The following CFAP299 variants were observed in gnomAD, a reference collection of about 807,000 sequenced individuals.
CFAP299 encodes cilia- and flagella-associated protein 299.
CFAP299 carries 21 observed loss-of-function variants against 27.0 expected under a neutral mutation model. The ratio of observed to expected loss-of-function variants is 0.78; its 90% CI spans 0.55 to 1.12. The LOEUF is 1.12. Among genes scored for constraint, CFAP299 ranks in the 50% most tolerant of loss-of-function variants. The pLI, the probability that CFAP299 is intolerant of heterozygous loss-of-function variation, is 0.00. For missense variants in CFAP299, 310 were observed against 276.6 expected (o/e 1.12, Z -0.86); for synonymous variants, 104 against 98.1 (o/e 1.06, Z -0.36).
chr4:80,896,025 G>C (rs892788032), intron 4 of CFAP299, among the ~76,000 whole-genome samples: 1 of 151,882 alleles, frequency 6.6e-6, no homozygotes, highest in Non-Finnish European at 1.5e-5. Context: ...GTGAATTTTA[G>C]TTTATGAACA....
Position 80,780,870 on chromosome 4 carries a change from AT to A in CFAP299, c.334-89116del, listed in dbSNP as rs201473159. On this transcript the variant is annotated intron_variant, in intron 3 of 5. Coordinates refer to ENST00000358105, the MANE Select transcript of CFAP299 (RefSeq NM_152770.3). Reference sequence around the variant, plus strand: ...AATCCATAGAAGGATGGATAAGTTGATTTTTTTCTAAGTATTTTATGCCTAT... The same window carrying A: ...AATCCATAGAAGGATGGATAAGTTGATTTTTTCTAAGTATTTTATGCCTAT... 6.0e-3 allele frequency among the ~76,000 whole-genome samples: 905 copies of A among 151,954 alleles called. 7 individuals carry two copies. Among genetic ancestry groups the A allele is most frequent in the African/African-American group, 0.02 (832 of 41,506 alleles).
chr4:80,686,552 G>C (rs1278447995), intron 3 of CFAP299, among the ~76,000 whole-genome samples: 2 of 152,122 alleles, frequency 1.3e-5, no homozygotes, highest in African/African-American at 2.4e-5. Context: ...TAGAAATGCT[G>C]CCCGAGTTCT....
intron 1 of CFAP299, among the ~76,000 whole-genome samples, chr4:80,362,020 A>G (rs1277898716): frequency 6.6e-6 from 1 of 152,092 alleles, no homozygotes; most frequent in Non-Finnish European, 1.5e-5. Context: ...TTGTCAAATC[A>G]TGGGGAAACA....
Position 80,936,739 on chromosome 4 carries a change from G to A in CFAP299, c.477-8071G>A, listed in dbSNP as rs529276185. 4.6e-5 allele frequency among the ~76,000 whole-genome samples: 7 copies of A among 151,756 alleles called. 1 individual carries two copies. In the South Asian group the frequency reaches 1.2e-3, roughly 27 times the overall value. On this transcript the variant is annotated intron_variant, in intron 4 of 5. Coordinates refer to ENST00000358105, the MANE Select transcript of CFAP299 (RefSeq NM_152770.3). ...CATTTATACAACAAACACCCATAAC[G>A]TGAGTTTACTTATATAACAAATCTG...
intron 2 of CFAP299, among the ~76,000 whole-genome samples, chr4:80,419,487 G>A (rs1727182533): frequency 6.6e-6 from 1 of 152,154 alleles, no homozygotes; most frequent in Non-Finnish European, 1.5e-5. Flanking sequence ...GCCTCCTAAT[G>A]CACATGCTTG....
Position 80,376,224 on chromosome 4 carries a change from A to G in CFAP299, c.242+13340A>G, listed in dbSNP as rs547732610. On this transcript the variant is annotated intron_variant, in intron 2 of 5. Transcript: ENST00000358105. Reference sequence around the variant, plus strand: ...CATAAAGCTTTTGAAGCTTTTCTATATGGTTGCATGAATGAGAGTTTGCTT... The same window carrying G: ...CATAAAGCTTTTGAAGCTTTTCTATGTGGTTGCATGAATGAGAGTTTGCTT... Among the ~76,000 whole-genome samples, 2 of 151,970 alleles carry G rather than the reference A, an allele frequency of 1.3e-5. 1 individual carries two copies. The highest frequency in any genetic ancestry group is 3.9e-4 in the East Asian group (2 of 5,176).
chr4:80,415,786 T>G (rs992682865), intron 2 of CFAP299, among the ~76,000 whole-genome samples: 5 of 152,318 alleles, frequency 3.3e-5, no homozygotes, highest in African/African-American at 1.2e-4. Flanking sequence ...ATAGGGAATA[T>G]CTCTCTGCTG....
At chr4:80,475,146 G>T (rs1410999455) in intron 2 of CFAP299, among the ~76,000 whole-genome samples, 1 of 152,158 alleles carries the variant, frequency 6.6e-6, no homozygotes, top group Non-Finnish European at 1.5e-5. Flanking sequence ...AGGAGTGGAG[G>T]CCAGAACAGT....
intron 5 of CFAP299, among the ~76,000 whole-genome samples, chr4:80,959,877 G>A (rs1738255980): frequency 6.6e-6 from 1 of 151,744 alleles, no homozygotes; most frequent in Admixed American, 6.6e-5. Flanking sequence ...CAGGGTACCA[G>A]AGAAATAATA....
At chr4:80,404,897 A>C (rs1443302277) in intron 2 of CFAP299, among the ~76,000 whole-genome samples, 1 of 152,150 alleles carries the variant, frequency 6.6e-6, no homozygotes, top group Non-Finnish European at 1.5e-5. Flanking sequence ...CATTTCCACC[A>C]ACAGTGCACA....
At chr4:80,556,335 A>C (rs1165530488) in intron 2 of CFAP299, among the ~76,000 whole-genome samples, 1 of 152,108 alleles carries the variant, frequency 6.6e-6, no homozygotes, top group Non-Finnish European at 1.5e-5. Flanking sequence ...TTTCGATGAC[A>C]AAAGTCTTAA....
intron 3 of CFAP299, among the ~76,000 whole-genome samples, chr4:80,762,454 A>T (rs1480597726): frequency 6.6e-6 from 1 of 152,154 alleles, no homozygotes; most frequent in Non-Finnish European, 1.5e-5. Flanking sequence ...GTGGAACTAG[A>T]AGCCCATTAA....
chr4:80,717,244 A>G (rs1424422228), intron 3 of CFAP299, among the ~76,000 whole-genome samples: 2 of 152,108 alleles, frequency 1.3e-5, no homozygotes, highest in African/African-American at 4.8e-5. Context: ...TTAGAGGAGT[A>G]TCTGACCTAC....
intron 4 of CFAP299, among the ~76,000 whole-genome samples, chr4:80,936,227 G>A (rs1404054304): frequency 1.3e-5 from 2 of 152,068 alleles, no homozygotes; most frequent in African/African-American, 2.4e-5. Context: ...GGAAAACAGC[G>A]TGCTGATTCC....
At chr4:80,783,430 A>G (rs541893666) in intron 3 of CFAP299, among the ~76,000 whole-genome samples, 16 of 152,286 alleles carry the variant, frequency 1.1e-4, no homozygotes, top group African/African-American at 3.6e-4. Context: ...GGCTTAGAAT[A>G]TTTCAGCAAT....
intron 3 of CFAP299, among the ~76,000 whole-genome samples, chr4:80,860,466 TGGA>T (rs1732255006): frequency 6.6e-6 from 1 of 152,194 alleles, no homozygotes; most frequent in African/African-American, 2.4e-5. Flanking sequence ...TGCGATCCTT[TGGA>T]GGAGGAGAAG....
chr4:80,447,377 C>T (rs1326971814), intron 2 of CFAP299, among the ~76,000 whole-genome samples: 1 of 150,884 alleles, frequency 6.6e-6, no homozygotes, highest in African/African-American at 2.4e-5. Flanking sequence ...CCTCGTGATC[C>T]GCCCGCCTCG....
intron 3 of CFAP299, among the ~76,000 whole-genome samples, chr4:80,697,694 G>A (rs1284364167): frequency 6.6e-6 from 1 of 152,146 alleles, no homozygotes; most frequent in Non-Finnish European, 1.5e-5. Context: ...AAATGTAAGA[G>A]CGATCATACA....
chr4:80,724,965 T>G (rs907205777), intron 3 of CFAP299, among the ~76,000 whole-genome samples: 1 of 151,234 alleles, frequency 6.6e-6, no homozygotes, highest in African/African-American at 2.4e-5. Context: ...TCTGTTTTTT[T>G]GAGACAGAGT....
Sources: gnomAD v4.1 joint callset for allele counts (sites outside exome capture counted in the v4.1 genomes callset) on GRCh38, gnomAD v4.1.1 for gene constraint, MANE v1.5 for transcripts, NCBI Gene and HGNC (gene_info 2026-07-23, HGNC 2026-07-21) for gene names.